RERE: variants seen among roughly 807,000 people sequenced by gnomAD.
The protein encoded by RERE is arginine-glutamic acid dipeptide repeats protein.
RERE carries 40 observed loss-of-function variants against 146.1 expected under a neutral mutation model. The observed-to-expected ratio is 0.27, with a 90% CI of 0.21 to 0.36. RERE has a LOEUF of 0.36. Ranked by LOEUF, RERE falls within the 10% of genes least tolerant of loss-of-function variation. The pLI is 1.00. For missense variants in RERE, 1,933 were observed against 2,138.7 expected (o/e 0.90, Z 1.90); for synonymous variants, 1,003 against 866.0 (o/e 1.16, Z -2.78).
intron 8 of RERE, among the ~76,000 whole-genome samples, chr1:8,501,662 G>A (rs1324436271): frequency 3.8e-5 from 5 of 130,948 alleles, no homozygotes; most frequent in African/African-American, 1.5e-4. Flanking sequence ...CGGGAGGGAG[G>A]TGGGGGGTCA....
At chr1:8,552,685 GAACA>G (rs1203168348) in intron 6 of RERE, among the ~76,000 whole-genome samples, 4 of 152,364 alleles carry the variant, frequency 2.6e-5, no homozygotes, top group Admixed American at 2.0e-4. Context: ...AAGAGAAAGA[GAACA>G]AACAGAGACT....
intron 11 of RERE, among the ~76,000 whole-genome samples, chr1:8,445,825 G>A (rs796411384): frequency 3.6e-4 from 15 of 42,188 alleles, no homozygotes; most frequent in African/African-American, 9.4e-4. Context: ...TCCCCTACCC[G>A]CCCCCACCCC....
intron 12 of RERE, among the ~76,000 whole-genome samples, chr1:8,393,034 GT>G (rs1215270214): frequency 6.6e-6 from 1 of 152,214 alleles, no homozygotes; most frequent in African/African-American, 2.4e-5. Context: ...TATCCTGAAA[GT>G]AGGAGAAGGA....
intron 12 of RERE, among the ~76,000 whole-genome samples, chr1:8,401,260 G>A (rs941755473): frequency 1.4e-5 from 2 of 139,732 alleles, no homozygotes; most frequent in Non-Finnish European, 3.1e-5. Context: ...TTTCAAAGAC[G>A]GCCAAGACAG....
rs556217500 is a variant in RERE, at chr1:8,736,497, G to A, written c.-144-80056C>T. ...GCTTGGATTACAGGTGTGAGCCACC[G>A]CGCCCGGCCTATACTTGTTCTTAAA... On this transcript the variant is annotated intron_variant, in intron 1 of 22. Transcript: ENST00000400908. 5.3e-5 allele frequency among the ~76,000 whole-genome samples: 8 copies of A among 152,156 alleles called. No homozygotes were observed. The South Asian group carries it at 8.3e-4, about 16-fold the overall frequency.
At chr1:8,625,140 GTTTGTTTTGT>G (rs369464766) in intron 2 of RERE, among the ~76,000 whole-genome samples, 1 of 151,894 alleles carries the variant, frequency 6.6e-6, no homozygotes, top group African/African-American at 2.4e-5. Context: ...TTGTTTGTTT[GTTTGTTTTGT>G]TTTGTTTTGT....
intron 1 of RERE, among the ~76,000 whole-genome samples, chr1:8,778,067 C>T (rs1016928067): frequency 6.6e-6 from 1 of 152,102 alleles, no homozygotes; most frequent in African/African-American, 2.4e-5. Context: ...TACAGCAGCT[C>T]AATCATTCCT....
chr1:8,448,016 G>A (rs1007225139), intron 11 of RERE, among the ~76,000 whole-genome samples: 1 of 152,098 alleles, frequency 6.6e-6, no homozygotes, highest in Non-Finnish European at 1.5e-5. Flanking sequence ...GTGCTCCTCT[G>A]TGTTTCCATC....
chr1:8,607,189 C>G (rs1646724783), intron 4 of RERE, among the ~76,000 whole-genome samples: 1 of 151,798 alleles, frequency 6.6e-6, no homozygotes, highest in African/African-American at 2.4e-5. Context: ...GGCAAAGCCC[C>G]GTCTCTAAAA....
chr1:8,608,649 T>A (rs941230049), intron 4 of RERE, among the ~76,000 whole-genome samples: 1 of 152,238 alleles, frequency 6.6e-6, no homozygotes, highest in Non-Finnish European at 1.5e-5. Flanking sequence ...GATCATTAAA[T>A]CTAATATATG....
intron 1 of RERE, among the ~76,000 whole-genome samples, chr1:8,723,428 T>C (rs909952807): frequency 6.6e-6 from 1 of 152,136 alleles, no homozygotes; most frequent in African/African-American, 2.4e-5. Context: ...AAACAAACTC[T>C]AAAACAAAGA....
At chr1:8,480,837 T>C (rs1464259393) in intron 10 of RERE, among the ~76,000 whole-genome samples, 1 of 152,248 alleles carries the variant, frequency 6.6e-6, no homozygotes, top group Non-Finnish European at 1.5e-5. Context: ...GTTAAAATTC[T>C]AACTGATCAA....
intron 12 of RERE, among the ~76,000 whole-genome samples, chr1:8,408,726 C>G (rs1164493182): frequency 4.6e-5 from 7 of 152,088 alleles, no homozygotes; most frequent in Admixed American, 4.6e-4. Context: ...AAAATAAAAG[C>G]AGAAAAGAGA....
At chr1:8,520,753 TTAAAAAAAAA>T (rs1303042365) in intron 7 of RERE, among the ~76,000 whole-genome samples, 2 of 78,158 alleles carry the variant, frequency 2.6e-5, no homozygotes, top group African/African-American at 4.3e-5. Flanking sequence ...AAAAAACTTT[TTAAAAAAAAA>T]AAAAAAAAAA....
rs146955828 is a variant in RERE at position 8,583,856 on chromosome 1, G to A, written c.523-26333C>T. ...TTAAAAATTCAGGAAAATTAAATTC[G>A]CATAAAAACAAGCAAAAGCAAAGTA... On this transcript the variant is annotated intron_variant, in intron 4 of 22. Transcript: ENST00000400908. 1.7e-4 allele frequency among the ~76,000 whole-genome samples: 26 copies of A among 151,848 alleles called. No individual in the cohort carries two copies. In the East Asian group the frequency reaches 4.6e-3, roughly 27 times the overall value.
At chr1:8,554,680 A>C (rs1391952710) in intron 6 of RERE, among the ~76,000 whole-genome samples, 1 of 90,170 alleles carries the variant, frequency 1.1e-5, no homozygotes, top group African/African-American at 4.8e-5. Context: ...TCCTGTCTCA[A>C]AAAAAAAAAA....
intron 4 of RERE, among the ~76,000 whole-genome samples, chr1:8,579,557 T>C (rs957653683): frequency 1.3e-5 from 2 of 152,216 alleles, no homozygotes; most frequent in South Asian, 2.1e-4. Flanking sequence ...GAAGAAAAGA[T>C]AGTGGAACCA....
At chr1:8,742,478 G>A (rs1194592259) in intron 1 of RERE, among the ~76,000 whole-genome samples, 3 of 152,060 alleles carry the variant, frequency 2.0e-5, no homozygotes, top group Admixed American at 2.0e-4. Flanking sequence ...AATGGCCAAG[G>A]GAAATATATT....
chr1:8,587,950 T>C (rs1457201812), intron 4 of RERE, among the ~76,000 whole-genome samples: 1 of 152,218 alleles, frequency 6.6e-6, no homozygotes, highest in Non-Finnish European at 1.5e-5. Flanking sequence ...AAAGACATGT[T>C]TCATTAGTGT....
Sources: gnomAD v4.1 joint callset for allele counts (sites outside exome capture counted in the v4.1 genomes callset) on GRCh38, gnomAD v4.1.1 for gene constraint, MANE v1.5 for transcripts, NCBI Gene and HGNC (gene_info 2026-07-23, HGNC 2026-07-21) for gene names.